The following TADA2A variants were observed in gnomAD, a reference collection of about 807,000 sequenced individuals.
The protein encoded by TADA2A is transcriptional adapter 2-alpha.
A neutral mutation model predicts 67.4 loss-of-function variants in TADA2A; 38 were observed. The observed-to-expected ratio is 0.56, with a 90% CI of 0.44 to 0.74. TADA2A has a LOEUF of 0.74. TADA2A is among the 30% of genes least tolerant of loss of function. The probability of loss-of-function intolerance (pLI) is 0.00; values close to 1 mark genes in which losing one functional copy is unlikely to be tolerated. For missense variants in TADA2A, 454 were observed against 547.0 expected (o/e 0.83, Z 1.70); for synonymous variants, 192 against 181.6 (o/e 1.06, Z -0.46).
intron 2 of TADA2A, among the ~76,000 whole-genome samples, chr17:37,423,248 A>G (rs1489848748): frequency 6.6e-6 from 1 of 152,186 alleles, no homozygotes; most frequent in Non-Finnish European, 1.5e-5. Context: ...ATATAAATAA[A>G]TCAACAAACA....
chr17:37,444,771 A>G lies in TADA2A; in HGVS notation c.604+3A>G. The stretch of plus-strand genomic sequence containing the variant: ...AGATGACTCGGACATTTTACATGGT[A>G]ACAGTTTATTTTGTCAAATGTTTAT... On this transcript the variant is annotated splice_donor_region_variant and intron_variant, in intron 8 of 15. Coordinates refer to ENST00000615182, the MANE Select transcript of TADA2A (RefSeq NM_001166105.3). The G allele has an allele frequency of 2.5e-6, 4 of 1,613,698 alleles. No individual in the cohort carries two copies. Among genetic ancestry groups the G allele is most frequent in the East Asian group, 2.2e-5 (1 of 44,866 alleles).
intron 1 of TADA2A, among the ~76,000 whole-genome samples, chr17:37,410,324 C>T (rs1290642686): frequency 6.6e-6 from 1 of 150,492 alleles, no homozygotes; most frequent in Non-Finnish European, 1.5e-5. Flanking sequence ...AAGCATGGGC[C>T]ACTGTACCCG....
chr17:37,416,874 C>A (rs1359362349), intron 2 of TADA2A, among the ~76,000 whole-genome samples: 11 of 149,432 alleles, frequency 7.4e-5, no homozygotes, highest in African/African-American at 2.7e-4. Context: ...AACGAGAGTC[C>A]GCCTCAAAAA....
intron 4 of TADA2A, among the ~76,000 whole-genome samples, chr17:37,429,146 TG>T (rs2052498225): frequency 6.6e-6 from 1 of 151,870 alleles, no homozygotes; most frequent in Non-Finnish European, 1.5e-5. Context: ...TTATTCAGGC[TG>T]GTCTCAAACT....
chr17:37,436,220 G>A (rs565072323), intron 4 of TADA2A, among the ~76,000 whole-genome samples: 7 of 152,104 alleles, frequency 4.6e-5, no homozygotes, highest in Admixed American at 1.3e-4. Flanking sequence ...TTGTTTTTAA[G>A]GTATATCCTA....
intron 2 of TADA2A, among the ~76,000 whole-genome samples, chr17:37,413,270 C>T (rs1303622864): frequency 6.6e-6 from 1 of 152,142 alleles, no homozygotes; most frequent in African/African-American, 2.4e-5. Context: ...ACTTTTTGAT[C>T]ACACTCCTAA....
chr17:37,415,994 A>G (rs1319844544), intron 2 of TADA2A, among the ~76,000 whole-genome samples: 1 of 151,600 alleles, frequency 6.6e-6, no homozygotes, highest in Non-Finnish European at 1.5e-5. Flanking sequence ...TTTAAATTTT[A>G]TCTTGCTTAT....
At chr17:37,418,686 C>T (rs2052131998) in intron 2 of TADA2A, among the ~76,000 whole-genome samples, 4 of 137,162 alleles carry the variant, frequency 2.9e-5, no homozygotes, top group Admixed American at 2.2e-4. Flanking sequence ...CCCCCTCCTG[C>T]GTTCAAGTGA....
At chr17:37,424,418 A>C (rs986582844) in intron 3 of TADA2A, among the ~76,000 whole-genome samples, 5 of 151,904 alleles carry the variant, frequency 3.3e-5, no homozygotes, top group African/African-American at 1.2e-4. Context: ...TAGTGGCACA[A>C]TCTTGGCTCC....
intron 2 of TADA2A, among the ~76,000 whole-genome samples, chr17:37,412,555 G>T (rs554398975): frequency 1.3e-5 from 2 of 152,156 alleles, no homozygotes; most frequent in Non-Finnish European, 2.9e-5. Flanking sequence ...GGAGGTCGAG[G>T]TGGGTGGATC....
chr17:37,420,799 C>A (rs1023208876), intron 2 of TADA2A, among the ~76,000 whole-genome samples: 2 of 146,958 alleles, frequency 1.4e-5, no homozygotes, highest in African/African-American at 2.5e-5. Context: ...AATACTGTTA[C>A]AGAATGTGAG....
Position 37,457,176 on chromosome 17 carries a change from C to CTTTT in TADA2A, c.605-1329_605-1326dup, listed in dbSNP as rs34125875. On this transcript the variant is annotated intron_variant, in intron 8 of 15. Transcript: ENST00000615182. ...TGCAGTTATGACCACAATCATTATTCTTTTTTTTTTTTTTTTTTTTTTGAG... is the reference window on the plus strand; with the variant it reads ...TGCAGTTATGACCACAATCATTATTCTTTTTTTTTTTTTTTTTTTTTTTTTTGAG... 7.9e-4 allele frequency among the ~76,000 whole-genome samples: 84 copies of CTTTT among 105,956 alleles called. 1 individual carries two copies. Among genetic ancestry groups the CTTTT allele is most frequent in the Admixed American group, 1.2e-3 (10 of 8,566 alleles). 69.5% of individuals were successfully genotyped at this position (105,956 alleles called of 152,430 possible).
At chr17:37,468,396 C>T (rs1053488234) in intron 12 of TADA2A, among the ~76,000 whole-genome samples, 7 of 152,154 alleles carry the variant, frequency 4.6e-5, no homozygotes, top group Non-Finnish European at 8.8e-5. Context: ...CTAGTTAGTA[C>T]TAGAACCAGG....
chr17:37,466,737 A>C (rs2053671840), intron 11 of TADA2A, among the ~76,000 whole-genome samples: 1 of 152,124 alleles, frequency 6.6e-6, no homozygotes, highest in South Asian at 2.1e-4. Context: ...TGTCATTCCA[A>C]AACACTACAC....
chr17:37,461,299 C>T (rs370338350), intron 9 of TADA2A, among the ~76,000 whole-genome samples: 3 of 152,172 alleles, frequency 2.0e-5, no homozygotes, highest in African/African-American at 7.2e-5. Context: ...ACCTGCTGTG[C>T]AGCCTGGTTC....
At position 37,478,552 on chromosome 17, in the gene TADA2A, T is replaced by G. The variant is rs2053933108; in HGVS notation, c.*1570T>G. On this transcript the variant is annotated 3_prime_UTR_variant, in exon 16 of 16. Coordinates refer to ENST00000615182, the MANE Select transcript of TADA2A (RefSeq NM_001166105.3). ...AGCTTTATATATGGGACTCACTAGA[T>G]ATGAGGGTAAGTAGCCCCACCACAT... 6.6e-6 allele frequency: 1 copy of G among 152,230 alleles called. No homozygotes were observed. Among genetic ancestry groups the G allele is most frequent in the African/African-American group, 2.4e-5 (1 of 41,462 alleles). The allele number at this position is 152,230 out of a possible 1,614,324, so 9.4% of individuals were successfully genotyped here. A position where few individuals can be genotyped will look rare whatever the true frequency, so the allele number is the denominator to read the frequency against.
rs1048831853 is a variant in TADA2A at position 37,460,965 on chromosome 17, T to TA, written c.669-1103dup. On this transcript the variant is annotated intron_variant, in intron 9 of 15. Coordinates refer to ENST00000615182, the MANE Select transcript of TADA2A (RefSeq NM_001166105.3). Reference sequence around the variant, plus strand: ...GGCAACCTAGGAAAACCCCATCTCTTAAAAAAAAAAGCAAAAGAAAAAAAA... The same window carrying TA: ...GGCAACCTAGGAAAACCCCATCTCTTAAAAAAAAAAAGCAAAAGAAAAAAAA... Among the ~76,000 whole-genome samples, 37 of 144,104 alleles carry TA rather than the reference T, an allele frequency of 2.6e-4. 1 individual carries two copies. Among genetic ancestry groups the TA allele is most frequent in the Middle Eastern group, 3.2e-3 (1 of 308 alleles). 94.5% of individuals were successfully genotyped at this position (144,104 alleles called of 152,430 possible).
intron 8 of TADA2A, among the ~76,000 whole-genome samples, chr17:37,455,816 A>AT (rs2053376315): frequency 6.6e-6 from 1 of 152,134 alleles, no homozygotes; most frequent in Non-Finnish European, 1.5e-5. Context: ...CAGACTGCTT[A>AT]TTTTTGGATC....
chr17:37,467,583 A>G, intron 12 of TADA2A, 58 bp downstream of exon 12: 1 of 1,394,484 alleles, frequency 7.2e-7, no homozygotes, highest in Admixed American at 2.0e-5. Context: ...AGACACACAG[A>G]GGAAGTCTCT....
Sources: allele counts gnomAD v4.1 joint callset (sites outside exome capture counted in the v4.1 genomes callset), GRCh38; gene constraint gnomAD v4.1.1; transcripts MANE v1.5; gene names NCBI Gene and HGNC (gene_info 2026-07-23, HGNC 2026-07-21).